The following TXLNB variants were observed in gnomAD, a reference collection of about 807,000 sequenced individuals.
TXLNB encodes beta-taxilin.
TXLNB carries 37 observed loss-of-function variants against 57.4 expected under a neutral mutation model. The observed-to-expected ratio is 0.64, with a 90% CI of 0.50 to 0.85. The LOEUF (loss-of-function observed/expected upper bound fraction) is 0.85. Among genes scored for constraint, TXLNB ranks in the 40% least tolerant of loss-of-function variants. TXLNB has a pLI of 0.00. For synonymous variants in TXLNB, 302 were observed against 309.6 expected, an observed-to-expected ratio of 0.98 and a Z score of 0.26; for missense variants, 848 against 825.6, an observed-to-expected ratio of 1.03 and a Z score of -0.33.
intron 5 of TXLNB, among the ~76,000 whole-genome samples, chr6:139,260,743 T>C (rs1159801338): frequency 1.3e-5 from 2 of 152,242 alleles, no homozygotes; most frequent in Non-Finnish European, 2.9e-5. Context: ...TATGATGCTA[T>C]TTATTATGCT....
the TXLNB span, among the ~76,000 whole-genome samples, chr6:139,301,718 A>G: frequency 7.2e-5 from 11 of 152,200 alleles, no homozygotes; most frequent in African/African-American, 1.4e-4. Flanking sequence ...ACAGAAATCA[A>G]TGCTTCCCCT....
chr6:139,262,457 C>G (rs1391915627), intron 5 of TXLNB, 122 bp downstream of exon 5: 2 of 803,874 alleles, frequency 2.5e-6, no homozygotes, highest in African/African-American at 3.5e-5. Flanking sequence ...TCAAGGAAAT[C>G]CAATCCTAAA....
chr6:139,276,763 T>G lies in TXLNB; in HGVS notation c.516+67A>C. Reference sequence around the variant, plus strand: ...TTCTCGGATTGGCAGGTGTTTGTTGTTCCTTGAAGCTAGAGGCACTGGGCT... The same window carrying G: ...TTCTCGGATTGGCAGGTGTTTGTTGGTCCTTGAAGCTAGAGGCACTGGGCT... On this transcript the variant is annotated intron_variant, in intron 3 of 9. Transcript: ENST00000358430. 4 of 1,221,094 alleles carry G rather than the reference T, an allele frequency of 3.3e-6. 1 individual carries two copies. The highest frequency in any genetic ancestry group is 3.0e-5 in the African/African-American group (2 of 66,320). 75.6% of individuals were successfully genotyped at this position (1,221,094 alleles called of 1,614,324 possible). A position where few individuals can be genotyped will look rare whatever the true frequency, so the allele number is the denominator to read the frequency against.
chr6:139,311,501 T>A, the TXLNB span, among the ~76,000 whole-genome samples: 1 of 66,990 alleles, frequency 1.5e-5, no homozygotes, highest in African/African-American at 6.3e-5. Flanking sequence ...TGTGATATTT[T>A]TTGGGGGGTG....
At chr6:139,250,947 C>T (rs1009073462) in intron 7 of TXLNB, among the ~76,000 whole-genome samples, 34 of 152,124 alleles carry the variant, frequency 2.2e-4, no homozygotes, top group African/African-American at 7.7e-4. Context: ...TATATTTTTT[C>T]ATTATGTCTC....
intron 3 of TXLNB, among the ~76,000 whole-genome samples, 199 bp downstream of exon 3, chr6:139,276,631 A>C (rs1008215604): frequency 1.4e-4 from 22 of 152,222 alleles, no homozygotes; most frequent in African/African-American, 5.3e-4. Flanking sequence ...GAAATAAAGG[A>C]GAAGGCCACT....
the TXLNB span, among the ~76,000 whole-genome samples, chr6:139,190,763 C>A: frequency 3.9e-5 from 6 of 152,152 alleles, no homozygotes; most frequent in Non-Finnish European, 8.8e-5. Flanking sequence ...CCCACCCCTT[C>A]TGTTGTTTTT....
At chr6:139,227,165 C>G in the TXLNB span, among the ~76,000 whole-genome samples, 1 of 151,392 alleles carries the variant, frequency 6.6e-6, no homozygotes, top group Non-Finnish European at 1.5e-5. Context: ...ATGGCAAAAC[C>G]CTGTCTCTAC....
chr6:139,199,764 T>C, the TXLNB span: 1 of 152,396 alleles, frequency 6.6e-6, no homozygotes, highest in Non-Finnish European at 1.5e-5. Context: ...TTTCTAGAAT[T>C]GAGAGAAGCC....
At chr6:139,314,023 C>T in the TXLNB span, among the ~76,000 whole-genome samples, 3 of 152,272 alleles carry the variant, frequency 2.0e-5, no homozygotes, top group Non-Finnish European at 2.9e-5. Flanking sequence ...AATAAGATAC[C>T]AAATTCCAAC....
Position 139,256,163 on chromosome 6 carries a change from T to TA in TXLNB, c.1003-526dup, listed in dbSNP as rs989084757. On this transcript the variant is annotated intron_variant, in intron 6 of 9. Transcript: ENST00000358430. Reference sequence around the variant, plus strand: ...CTCAACTATAAACTAGTGGTTTTAATAAAAAAAATAGTCTCTAGCTCAAGT... The same window carrying TA: ...CTCAACTATAAACTAGTGGTTTTAATAAAAAAAAATAGTCTCTAGCTCAAGT... Among the ~76,000 whole-genome samples the TA allele has an allele frequency of 5.0e-4, 76 of 151,972 alleles. 2 individuals carry two copies. Among genetic ancestry groups the TA allele is most frequent in the African/African-American group, 1.2e-3 (49 of 41,442 alleles).
chr6:139,187,827 C>A, the TXLNB span, among the ~76,000 whole-genome samples: 3 of 152,150 alleles, frequency 2.0e-5, no homozygotes, highest in African/African-American at 7.2e-5. Flanking sequence ...TGCTCAAGCT[C>A]GTTTAAATCC....
chr6:139,257,505 C>T (rs1378848485), intron 6 of TXLNB, among the ~76,000 whole-genome samples: 2 of 152,144 alleles, frequency 1.3e-5, no homozygotes, highest in Middle Eastern at 3.2e-3. Flanking sequence ...GTAAGCTCCA[C>T]CTTACTAAAC....
the TXLNB span, among the ~76,000 whole-genome samples, chr6:139,182,169 A>G: frequency 6.6e-6 from 1 of 152,222 alleles, no homozygotes; most frequent in Non-Finnish European, 1.5e-5. Flanking sequence ...AAACATTAGA[A>G]CACAAGATAA....
chr6:139,231,314 C>T, the TXLNB span, among the ~76,000 whole-genome samples: 1 of 152,108 alleles, frequency 6.6e-6, no homozygotes, highest in Non-Finnish European at 1.5e-5. Context: ...CTTCCAGGCC[C>T]TTCCCACGGT....
At chr6:139,267,456 T>C (rs1776644245) in intron 4 of TXLNB, among the ~76,000 whole-genome samples, 1 of 152,210 alleles carries the variant, frequency 6.6e-6, no homozygotes, top group East Asian at 1.9e-4. Flanking sequence ...ATGTATATTG[T>C]AATCACAGAG....
the TXLNB span, among the ~76,000 whole-genome samples, chr6:139,186,665 C>G: frequency 6.6e-6 from 1 of 152,196 alleles, no homozygotes; most frequent in Non-Finnish European, 1.5e-5. Context: ...AGGACTCATT[C>G]ATGAATGTTT....
the TXLNB span, chr6:139,174,489 C>T: frequency 6.2e-7 from 1 of 1,613,660 alleles, no homozygotes; most frequent in Non-Finnish European, 8.5e-7. Context: ...CTGGCACCAG[C>T]TGGGCACTAT....
At chr6:139,183,866 T>G in the TXLNB span, among the ~76,000 whole-genome samples, 1 of 152,000 alleles carries the variant, frequency 6.6e-6, no homozygotes, top group African/African-American at 2.4e-5. Flanking sequence ...GGTTTAAGAG[T>G]ACATCTAGTT....
Sources: allele counts gnomAD v4.1 joint callset (sites outside exome capture counted in the v4.1 genomes callset), GRCh38; gene constraint gnomAD v4.1.1; transcripts MANE v1.5; gene names NCBI Gene and HGNC (gene_info 2026-07-23, HGNC 2026-07-21).